RASA1: variants seen among roughly 807,000 people sequenced by gnomAD.
RASA1 encodes the protein RAS p21 protein activator 1.
Under a neutral mutation model 132.2 loss-of-function variants are expected in RASA1, and 25 were observed. The ratio of observed to expected loss-of-function variants is 0.19; its 90% CI spans 0.14 to 0.26. RASA1 has a LOEUF of 0.26. Among genes scored for constraint, RASA1 ranks in the 10% least tolerant of loss-of-function variants. RASA1 has a pLI of 1.00. For synonymous variants in RASA1, 477 were observed against 449.9 expected, an observed-to-expected ratio of 1.06 and a Z score of -0.76; for missense variants, 964 against 1,299.2, an observed-to-expected ratio of 0.74 and a Z score of 3.97.
chr5:87,304,915 T>C (rs2112292107), intron 1 of RASA1, among the ~76,000 whole-genome samples: 1 of 151,312 alleles, frequency 6.6e-6, no homozygotes, highest in South Asian at 2.1e-4. Context: ...CTTTTTTTTT[T>C]GGCCTGTGTA....
chr5:87,299,989 A>T (rs1313377235), intron 1 of RASA1, among the ~76,000 whole-genome samples: 4 of 152,112 alleles, frequency 2.6e-5, no homozygotes, highest in Non-Finnish European at 5.9e-5. Context: ...TTTTCTTATA[A>T]TTTTTTTCCT....
In RASA1 at chr5:87,375,405, C is replaced by T. The variant is rs990205702; in HGVS notation, c.2011+489C>T. ...CCTCCTGAGTATCTGGGACTACAGG[C>T]GCCCGCCACCATACCTGGCTAAGTT... On this transcript the variant is annotated intron_variant, in intron 15 of 24. Coordinates refer to ENST00000274376, the MANE Select transcript of RASA1 (RefSeq NM_002890.3). 2.6e-5 allele frequency among the ~76,000 whole-genome samples: 4 copies of T among 151,946 alleles called. No homozygotes were observed. The South Asian group carries it at 6.2e-4, about 24-fold the overall frequency.
intron 1 of RASA1, among the ~76,000 whole-genome samples, chr5:87,329,901 C>T (rs2112361782): frequency 6.6e-6 from 1 of 152,218 alleles, no homozygotes; most frequent in African/African-American, 2.4e-5. Flanking sequence ...CATTTACGAT[C>T]TCTGGTGTAA....
chr5:87,321,431 G>A (rs573510502), intron 1 of RASA1, among the ~76,000 whole-genome samples: 168 of 152,274 alleles, frequency 1.1e-3, no homozygotes, highest in Non-Finnish European at 1.9e-3. Flanking sequence ...TGGGGTCTGG[G>A]CCCTCCTTCC....
chr5:87,295,823 T>G (rs1755096147), intron 1 of RASA1, among the ~76,000 whole-genome samples: 1 of 139,792 alleles, frequency 7.2e-6, no homozygotes, highest in Non-Finnish European at 1.6e-5. Flanking sequence ...CTAGTTTTGG[T>G]TTTTTTTTTT....
At chr5:87,317,008 G>A (rs1470470639) in intron 1 of RASA1, among the ~76,000 whole-genome samples, 1 of 151,860 alleles carries the variant, frequency 6.6e-6, no homozygotes, top group Non-Finnish European at 1.5e-5. Flanking sequence ...TCAGACTCCC[G>A]AGTAGCTGGG....
chr5:87,320,590 A>G (rs907593819), intron 1 of RASA1, among the ~76,000 whole-genome samples: 1 of 152,200 alleles, frequency 6.6e-6, no homozygotes, highest in East Asian at 1.9e-4. Flanking sequence ...TTAAACCATC[A>G]GATCTTGCGG....
intron 1 of RASA1, among the ~76,000 whole-genome samples, chr5:87,276,976 T>A (rs1246201720): frequency 6.6e-6 from 1 of 152,168 alleles, no homozygotes; most frequent in South Asian, 2.1e-4. Flanking sequence ...GTTTCACATA[T>A]ATTTAGATTT....
intron 6 of RASA1, among the ~76,000 whole-genome samples, chr5:87,341,621 A>G (rs1205532027): frequency 1.3e-5 from 2 of 152,138 alleles, no homozygotes; most frequent in Non-Finnish European, 2.9e-5. Context: ...AAAATTATTC[A>G]TAGTATTTCT....
At chr5:87,294,346 A>G (rs1168377103) in intron 1 of RASA1, 2 of 152,120 alleles carry the variant, frequency 1.3e-5, no homozygotes, top group Non-Finnish European at 2.9e-5. Context: ...AGGGGTGTTG[A>G]TACCAAACTA....
At chr5:87,390,432 C>T (rs1003715220) in intron 24 of RASA1, among the ~76,000 whole-genome samples, 6 of 151,684 alleles carry the variant, frequency 4.0e-5, no homozygotes, top group Non-Finnish European at 8.8e-5. Flanking sequence ...CCCGCCCCTC[C>T]CCCCGCAGCT....
At chr5:87,294,843 A>G (rs13185953) in intron 1 of RASA1, among the ~76,000 whole-genome samples, 2,578 of 152,338 alleles carry the variant, frequency 0.017, 45 homozygotes, top group Middle Eastern at 0.068. Context: ...GAAGTAGTCT[A>G]TAGATGTCAG....
intron 1 of RASA1, among the ~76,000 whole-genome samples, chr5:87,298,413 A>C (rs1755215223): frequency 7.5e-6 from 1 of 133,130 alleles, no homozygotes; most frequent in African/African-American, 2.9e-5. Context: ...ACTCTGTCTC[A>C]AAAAAAAAAA....
At chr5:87,356,918 G>C (rs1759695715) in intron 9 of RASA1, among the ~76,000 whole-genome samples, 3 of 152,070 alleles carry the variant, frequency 2.0e-5, no homozygotes, top group Admixed American at 2.0e-4. Context: ...AGGTCTATGA[G>C]AACAGAGATT....
intron 1 of RASA1, among the ~76,000 whole-genome samples, chr5:87,302,764 C>T (rs1755430247): frequency 6.6e-6 from 1 of 150,878 alleles, no homozygotes; most frequent in Admixed American, 6.7e-5. Context: ...ATACGCACAC[C>T]ACCTCTTCCC....
rs189798389 is a variant in RASA1 at position 87,346,235 on chromosome 5, G to A, written c.1050-437G>A. ...TATTCTGACTTTCAGCAAAGTAAGAGTCAATATCTTGATTTTATTTGAGGA... is the reference window on the plus strand; with the variant it reads ...TATTCTGACTTTCAGCAAAGTAAGAATCAATATCTTGATTTTATTTGAGGA... On this transcript the variant is annotated intron_variant, in intron 6 of 24. Transcript: ENST00000274376. Among the ~76,000 whole-genome samples, 45 of 152,080 alleles carry A rather than the reference G, an allele frequency of 3.0e-4. No individual in the cohort carries two copies. In the Middle Eastern group the frequency reaches 0.017, roughly 57 times the overall value.
At chr5:87,384,136 C>T (rs1349227742) in intron 21 of RASA1, among the ~76,000 whole-genome samples, 1 of 151,954 alleles carries the variant, frequency 6.6e-6, no homozygotes, top group African/African-American at 2.4e-5. Context: ...AGACTGCTGC[C>T]AGCTAGATCT....
intron 17 of RASA1, 118 bp from the exon 18 acceptor site, chr5:87,378,278 C>A: frequency 8.2e-7 from 1 of 1,218,212 alleles, no homozygotes; most frequent in Non-Finnish European, 1.2e-6. Context: ...ACGCTGCACG[C>A]AAAAAGCACA....
At chr5:87,367,092 TTAAC>T (rs1354860533) in intron 11 of RASA1, among the ~76,000 whole-genome samples, 2 of 152,084 alleles carry the variant, frequency 1.3e-5, no homozygotes, top group African/African-American at 2.4e-5. Context: ...TACTTTATTA[TTAAC>T]TATTTTTTTT....
Sources: allele counts gnomAD v4.1 joint callset (sites outside exome capture counted in the v4.1 genomes callset), GRCh38; gene constraint gnomAD v4.1.1; transcripts MANE v1.5; gene names NCBI Gene and HGNC (gene_info 2026-07-23, HGNC 2026-07-21).